Variants in NFIA observed in about 807,000 individuals in gnomAD.
NFIA encodes nuclear factor 1 A-type.
Under a neutral mutation model 62.8 loss-of-function variants are expected in NFIA, and 8 were observed. The ratio of observed to expected loss-of-function variants is 0.13; its 90% CI spans 0.07 to 0.23. NFIA has a LOEUF of 0.23. NFIA is among the 10% of genes least tolerant of loss of function. NFIA has a pLI of 1.00. For synonymous variants in NFIA, 235 were observed against 238.1 expected (o/e 0.99, Z 0.12); for missense variants, 410 against 642.1 (o/e 0.64, Z 3.91).
At chr1:61,201,815 T>C (rs1652518175) in intron 2 of NFIA, among the ~76,000 whole-genome samples, 1 of 152,116 alleles carries the variant, frequency 6.6e-6, no homozygotes, top group South Asian at 2.1e-4. Flanking sequence ...CAAGTGTGAA[T>C]AGAAATGTAG....
chr1:61,181,132 G>A (rs967113108), intron 2 of NFIA, among the ~76,000 whole-genome samples: 1 of 152,210 alleles, frequency 6.6e-6, no homozygotes, highest in Non-Finnish European at 1.5e-5. Context: ...CTTACTTGCT[G>A]TACAATGGAT....
chr1:61,344,774 C>T (rs576392527), intron 4 of NFIA, among the ~76,000 whole-genome samples: 3 of 152,334 alleles, frequency 2.0e-5, no homozygotes, highest in Non-Finnish European at 4.4e-5. Flanking sequence ...TCCCTGCTGA[C>T]TTCCGTTGAA....
At chr1:61,351,608 CAT>C (rs1295400086) in intron 4 of NFIA, among the ~76,000 whole-genome samples, 4 of 152,104 alleles carry the variant, frequency 2.6e-5, no homozygotes, top group African/African-American at 9.7e-5. Context: ...CATTGGAAAA[CAT>C]GTATTAAACT....
chr1:61,184,784 A>G (rs1271912319), intron 2 of NFIA, among the ~76,000 whole-genome samples: 1 of 147,736 alleles, frequency 6.8e-6, no homozygotes, highest in East Asian at 2.1e-4. Context: ...GAGCTTTCTT[A>G]GAGAAACGAG....
At chr1:61,184,216 T>C (rs1165371122) in intron 2 of NFIA, among the ~76,000 whole-genome samples, 1 of 151,092 alleles carries the variant, frequency 6.6e-6, no homozygotes, top group Non-Finnish European at 1.5e-5. Flanking sequence ...GGCTTGCTTC[T>C]CCTGGTGTGG....
intron 10 of NFIA, among the ~76,000 whole-genome samples, chr1:61,441,289 AG>A (rs1235818916): frequency 1.9e-5 from 2 of 106,270 alleles, no homozygotes; most frequent in East Asian, 5.9e-4. Flanking sequence ...ACTGCCGTGC[AG>A]GGGTGTGTGT....
chr1:61,446,543 G>A (rs1667819314), intron 10 of NFIA, among the ~76,000 whole-genome samples: 1 of 152,168 alleles, frequency 6.6e-6, no homozygotes, highest in African/African-American at 2.4e-5. Flanking sequence ...AAGAGGTAAC[G>A]AGCAGACCTG....
At chr1:61,245,715 T>G (rs1655596966) in intron 2 of NFIA, among the ~76,000 whole-genome samples, 1 of 152,178 alleles carries the variant, frequency 6.6e-6, no homozygotes, top group Non-Finnish European at 1.5e-5. Context: ...TTTAAAACTT[T>G]GGATTATCAC....
intron 2 of NFIA, among the ~76,000 whole-genome samples, chr1:61,191,849 C>CT (rs1651649628): frequency 6.6e-6 from 1 of 152,204 alleles, no homozygotes; most frequent in Admixed American, 6.5e-5. Context: ...TAACAGTCTT[C>CT]TGAGTACGTG....
At position 61,356,621 on chromosome 1, in the gene NFIA, G is replaced by A. The variant is rs113545570; in HGVS notation, c.819-2526G>A. 3.9e-3 allele frequency among the ~76,000 whole-genome samples: 588 copies of A among 152,248 alleles called. 3 individuals are homozygous for A. Among genetic ancestry groups the A allele is most frequent in the African/African-American group, 0.013 (560 of 41,544 alleles). ...TTCGCTGTGTATATCGTCTTATAAAGGACTCCCATTAGATGTAGTTTTACA... is the reference window on the plus strand; with the variant it reads ...TTCGCTGTGTATATCGTCTTATAAAAGACTCCCATTAGATGTAGTTTTACA... On this transcript the variant is annotated intron_variant, in intron 5 of 10. Transcript: ENST00000403491.
intron 2 of NFIA, among the ~76,000 whole-genome samples, chr1:61,164,318 C>G (rs1649419706): frequency 6.6e-6 from 1 of 152,096 alleles, no homozygotes; most frequent in African/African-American, 2.4e-5. Flanking sequence ...TTCCATTTAT[C>G]AGGAAAGTGA....
intron 2 of NFIA, among the ~76,000 whole-genome samples, chr1:61,226,625 A>G (rs1654350027): frequency 6.6e-6 from 1 of 152,194 alleles, no homozygotes; most frequent in Admixed American, 6.5e-5. Flanking sequence ...TATTTCATGC[A>G]TTTGGCAACC....
intron 2 of NFIA, among the ~76,000 whole-genome samples, chr1:61,225,454 T>C (rs1362113374): frequency 2.0e-5 from 3 of 151,998 alleles, no homozygotes; most frequent in African/African-American, 7.3e-5. Flanking sequence ...TTTCACCATG[T>C]TGGCCAGGAT....
chr1:61,197,854 G>T (rs574525497), intron 2 of NFIA, among the ~76,000 whole-genome samples: 1 of 152,008 alleles, frequency 6.6e-6, no homozygotes, highest in Non-Finnish European at 1.5e-5. Context: ...GGTGGTGGGT[G>T]CCAGTAATTC....
intron 2 of NFIA, among the ~76,000 whole-genome samples, chr1:61,161,362 C>T (rs1303277858): frequency 1.3e-5 from 2 of 152,168 alleles, no homozygotes; most frequent in South Asian, 2.1e-4. Flanking sequence ...AAGACCTCCT[C>T]GATGAGGTCT....
chr1:61,260,858 G>A (rs533218153), intron 2 of NFIA, among the ~76,000 whole-genome samples: 118 of 152,332 alleles, frequency 7.7e-4, no homozygotes, highest in Non-Finnish European at 9.0e-4. Flanking sequence ...GGGATTACAG[G>A]CGTGAGCCCC....
chr1:61,104,236 G>A (rs1646558530), intron 2 of NFIA, among the ~76,000 whole-genome samples: 1 of 152,192 alleles, frequency 6.6e-6, no homozygotes, highest in Non-Finnish European at 1.5e-5. Context: ...ATCACATAGT[G>A]TCTTGCTGTG....
chr1:61,291,377 C>CA (rs150500531), intron 3 of NFIA, among the ~76,000 whole-genome samples: 164 of 152,286 alleles, frequency 1.1e-3, no homozygotes, highest in African/African-American at 3.7e-3. Context: ...AAGATTCTAA[C>CA]AAAGTTTCAT....
chr1:61,176,807 A>G (rs1650382359), intron 2 of NFIA, among the ~76,000 whole-genome samples: 2 of 152,142 alleles, frequency 1.3e-5, no homozygotes, highest in Non-Finnish European at 2.9e-5. Context: ...AAATTCATTT[A>G]TTCAAGAGAT....
Sources: allele counts gnomAD v4.1 joint callset (sites outside exome capture counted in the v4.1 genomes callset), GRCh38; gene constraint gnomAD v4.1.1; transcripts MANE v1.5; gene names NCBI Gene and HGNC (gene_info 2026-07-23, HGNC 2026-07-21).